The following NRXN3 variants were observed in gnomAD, a reference collection of about 807,000 sequenced individuals.
NRXN3 encodes the protein neurexin 3.
Under a neutral mutation model 137.6 loss-of-function variants are expected in NRXN3, and 32 were observed. The observed-to-expected ratio is 0.23, with a 90% CI of 0.18 to 0.31. NRXN3 has a LOEUF of 0.31. NRXN3 is among the 10% of genes least tolerant of loss of function. NRXN3 has a pLI of 1.00. For missense variants in NRXN3, 1,574 were observed against 2,062.5 expected, an observed-to-expected ratio of 0.76 and a Z score of 4.59; for synonymous variants, 798 against 784.5, an observed-to-expected ratio of 1.02 and a Z score of -0.29.
intron 4 of NRXN3, among the ~76,000 whole-genome samples, chr14:78,607,020 G>T (rs1233580751): frequency 6.6e-6 from 1 of 152,130 alleles, no homozygotes; most frequent in Non-Finnish European, 1.5e-5. Flanking sequence ...CCCTGATTCT[G>T]GCTGGCATGC....
At chr14:79,592,987 G>A (rs1409637819) in intron 16 of NRXN3, among the ~76,000 whole-genome samples, 3 of 152,010 alleles carry the variant, frequency 2.0e-5, no homozygotes, top group African/African-American at 4.8e-5. Flanking sequence ...TAACTTTCTG[G>A]TATTTCAAAA....
At chr14:79,823,098 C>T (rs2099277754) in intron 20 of NRXN3, among the ~76,000 whole-genome samples, 1 of 152,106 alleles carries the variant, frequency 6.6e-6, no homozygotes, top group Non-Finnish European at 1.5e-5. Context: ...ATATTATAGT[C>T]CCCAGCCAAA....
At chr14:79,714,893 T>C (rs138300827) in intron 19 of NRXN3, among the ~76,000 whole-genome samples, 1,689 of 152,282 alleles carry the variant, frequency 0.011, 17 homozygotes, top group Middle Eastern at 0.044. Flanking sequence ...TGAAAGGCGA[T>C]TGTGTTAGAG....
intron 3 of NRXN3, among the ~76,000 whole-genome samples, chr14:78,289,536 A>C (rs2075566056): frequency 6.6e-6 from 1 of 152,102 alleles, no homozygotes; most frequent in South Asian, 2.1e-4. Context: ...ATTTCTGGCA[A>C]ATAAAATTTC....
rs375375848 is a variant in NRXN3 at position 79,863,620 on chromosome 14, CT to C, written c.*1657del. On this transcript the variant is annotated 3_prime_UTR_variant, in exon 21 of 21. Coordinates refer to ENST00000335750, the MANE Select transcript of NRXN3 (RefSeq NM_001330195.2). ...TACTGCTTTAAGAAATGTTTTTTTC[CT>C]GTTTATTTCTGTTTGGTTTATATTC... The C allele has an allele frequency of 7.4e-4, 113 of 151,906 alleles. No homozygotes were observed. Among genetic ancestry groups the C allele is most frequent in the African/African-American group, 2.6e-3 (108 of 41,406 alleles). The allele number at this position is 151,906 out of a possible 1,614,324, so 9.4% of individuals were successfully genotyped here. A position where few individuals can be genotyped will look rare whatever the true frequency, so the allele number is the denominator to read the frequency against.
chr14:79,261,765 A>G (rs2077636212), intron 15 of NRXN3, among the ~76,000 whole-genome samples: 1 of 152,032 alleles, frequency 6.6e-6, no homozygotes, highest in Admixed American at 6.6e-5. Flanking sequence ...TTGGCCTCTA[A>G]TGAGACTGCA....
chr14:79,587,016 C>A (rs1948099003), intron 16 of NRXN3, among the ~76,000 whole-genome samples: 1 of 152,156 alleles, frequency 6.6e-6, no homozygotes, highest in Non-Finnish European at 1.5e-5. Context: ...TGGCTTTGAT[C>A]CCACTGATGA....
intron 2 of NRXN3, among the ~76,000 whole-genome samples, chr14:78,275,220 G>T (rs1256229222): frequency 6.6e-6 from 1 of 152,014 alleles, no homozygotes; most frequent in Non-Finnish European, 1.5e-5. Context: ...TTGACATTAT[G>T]TATCTGTTTT....
rs538706228 is a variant in NRXN3 at position 78,519,767 on chromosome 14, G to A, written c.758-125353G>A. 2.6e-5 allele frequency among the ~76,000 whole-genome samples: 4 copies of A among 152,112 alleles called. No homozygotes were observed. In the South Asian group the frequency reaches 8.3e-4, roughly 32 times the overall value. On this transcript the variant is annotated intron_variant, in intron 4 of 20. Coordinates refer to ENST00000335750, the MANE Select transcript of NRXN3 (RefSeq NM_001330195.2). Reference sequence around the variant, plus strand: ...CCTTGAAGGAGTAGGAGTTGCCTAGGTAAATCAAGGAAATAAAGGGAATAA... The same window carrying A: ...CCTTGAAGGAGTAGGAGTTGCCTAGATAAATCAAGGAAATAAAGGGAATAA...
intron 15 of NRXN3, among the ~76,000 whole-genome samples, chr14:79,269,561 G>C (rs941259802): frequency 2.0e-5 from 3 of 152,084 alleles, no homozygotes; most frequent in African/African-American, 4.8e-5. Context: ...CCTTGTGTTG[G>C]TTAGACAGAG....
At chr14:79,180,721 G>T (rs115787414) in intron 15 of NRXN3, among the ~76,000 whole-genome samples, 22 of 152,184 alleles carry the variant, frequency 1.4e-4, no homozygotes, top group African/African-American at 5.3e-4. Flanking sequence ...ATCACAGGGC[G>T]CTGTGGAAGC....
chr14:78,521,656 A>G (rs974760665), intron 4 of NRXN3, among the ~76,000 whole-genome samples: 4 of 152,176 alleles, frequency 2.6e-5, no homozygotes, highest in Non-Finnish European at 5.9e-5. Flanking sequence ...GGGGAGATGA[A>G]TGATATATCT....
intron 8 of NRXN3, among the ~76,000 whole-genome samples, chr14:78,739,338 T>G (rs895630692): frequency 2.6e-5 from 4 of 152,238 alleles, no homozygotes; most frequent in African/African-American, 9.6e-5. Context: ...CTCAGGTTTG[T>G]TACCTTATGG....
rs1047168791 is a variant in NRXN3 at position 78,251,519 on chromosome 14, G to C, written c.709+7717G>C. Among the ~76,000 whole-genome samples, 3 of 152,182 alleles carry C rather than the reference G, an allele frequency of 2.0e-5. No homozygotes were observed. The East Asian group carries it at 5.8e-4, about 29-fold the overall frequency. ...GCCTCTGTTAACACAACTTGTTGCT[G>C]TCCGTGACAGCAATGTTGCTCTGGG... On this transcript the variant is annotated intron_variant, in intron 2 of 20. Transcript: ENST00000335750.
intron 20 of NRXN3, among the ~76,000 whole-genome samples, chr14:79,831,214 A>C (rs4903881): frequency 2.0e-5 from 3 of 152,162 alleles, no homozygotes; most frequent in African/African-American, 7.2e-5. Context: ...GACAGGAAAC[A>C]TAATACTCTC....
intron 4 of NRXN3, among the ~76,000 whole-genome samples, chr14:78,364,165 G>C (rs1447262170): frequency 6.6e-6 from 1 of 152,136 alleles, no homozygotes; most frequent in East Asian, 1.9e-4. Context: ...TTTGCCTCAG[G>C]ACAAATCAAA....
chr14:79,366,274 T>A (rs1350151502), intron 15 of NRXN3, among the ~76,000 whole-genome samples: 1 of 152,062 alleles, frequency 6.6e-6, no homozygotes. Context: ...ATAATTGGAG[T>A]ATTCATTACC....
At chr14:78,892,684 A>T (rs1398346728) in intron 10 of NRXN3, among the ~76,000 whole-genome samples, 7 of 150,630 alleles carry the variant, frequency 4.6e-5, no homozygotes, top group Admixed American at 3.3e-4. Context: ...TCTATAGGTT[A>T]TGGCTGGAAT....
chr14:79,009,171 G>C (rs1437335448), intron 15 of NRXN3, among the ~76,000 whole-genome samples: 1 of 152,042 alleles, frequency 6.6e-6, no homozygotes, highest in African/African-American at 2.4e-5. Flanking sequence ...ATTAAATACT[G>C]GTTCATAACT....
Sources: gnomAD v4.1 joint callset for allele counts (sites outside exome capture counted in the v4.1 genomes callset) on GRCh38, gnomAD v4.1.1 for gene constraint, MANE v1.5 for transcripts, NCBI Gene and HGNC (gene_info 2026-07-23, HGNC 2026-07-21) for gene names.